MET: variants seen among roughly 807,000 people sequenced by gnomAD.
The protein encoded by MET is hepatocyte growth factor receptor.
A neutral mutation model predicts 133.1 loss-of-function variants in MET; 48 were observed. The ratio of observed to expected loss-of-function variants is 0.36; its 90% CI spans 0.29 to 0.46. The LOEUF is 0.46. Ranked by LOEUF, MET falls within the 20% of genes least tolerant of loss-of-function variation. MET has a pLI of 1.00. For synonymous variants in MET, 628 were observed against 616.5 expected, an observed-to-expected ratio of 1.02 and a Z score of -0.28; for missense variants, 1,442 against 1,695.9, an observed-to-expected ratio of 0.85 and a Z score of 2.63.
chr7:116,733,133 C>T lies in MET; in HGVS notation c.1392+1274C>T, dbSNP rs145145882. Among the ~76,000 whole-genome samples, 541 of 152,196 alleles carry T rather than the reference C, an allele frequency of 3.6e-3. 8 individuals carry two copies. The highest frequency in any genetic ancestry group is 0.012 in the African/African-American group (519 of 41,546). On this transcript the variant is annotated intron_variant, in intron 3 of 20. Transcript: ENST00000397752. Reference sequence around the variant, plus strand: ...CCTGAAGGAGGGAAGCCCCGCCCCTCCCACAGAGACATGCACTCTAATGGA... The same window carrying T: ...CCTGAAGGAGGGAAGCCCCGCCCCTTCCACAGAGACATGCACTCTAATGGA...
At chr7:116,759,550 G>A in intron 10 of MET, 60 bp downstream of exon 10, 1 of 1,558,882 alleles carries the variant, frequency 6.4e-7, no homozygotes, top group Non-Finnish European at 8.8e-7. Flanking sequence ...TAACCATGTG[G>A]CTTTCATGGT....
chr7:116,711,822 T>A (rs528155409), intron 2 of MET, among the ~76,000 whole-genome samples: 20 of 152,188 alleles, frequency 1.3e-4, no homozygotes, highest in Non-Finnish European at 2.5e-4. Context: ...GGAGTTTCTG[T>A]CCTTGGCCCT....
chr7:116,727,824 A>G (rs1241051905), intron 2 of MET, among the ~76,000 whole-genome samples: 3 of 152,206 alleles, frequency 2.0e-5, no homozygotes, highest in South Asian at 4.1e-4. Flanking sequence ...ATGAGCAGCA[A>G]ACATATTTGC....
intron 1 of MET, among the ~76,000 whole-genome samples, chr7:116,674,282 G>A (rs920016453): frequency 3.3e-5 from 5 of 152,050 alleles, no homozygotes; most frequent in South Asian, 2.1e-4. Context: ...CAGTCAATAC[G>A]AAAGCTCATA....
At chr7:116,741,168 G>GA in intron 5 of MET, 143 bp downstream of exon 5, 1 of 946,796 alleles carries the variant, frequency 1.1e-6, no homozygotes. Flanking sequence ...TCATTTAGCT[G>GA]TGAGTCATCA....
At chr7:116,737,317 C>T (rs1793254314) in intron 3 of MET, among the ~76,000 whole-genome samples, 1 of 152,226 alleles carries the variant, frequency 6.6e-6, no homozygotes, top group Non-Finnish European at 1.5e-5. Context: ...AGACTTTCTC[C>T]TTAGGCACAC....
At chr7:116,712,250 G>C (rs994502877) in intron 2 of MET, among the ~76,000 whole-genome samples, 3 of 152,068 alleles carry the variant, frequency 2.0e-5, no homozygotes, top group African/African-American at 7.3e-5. Context: ...TCCTTCCCCA[G>C]GACATTTTTC....
At chr7:116,716,140 T>C (rs764450961) in intron 2 of MET, among the ~76,000 whole-genome samples, 7 of 151,928 alleles carry the variant, frequency 4.6e-5, no homozygotes, top group Admixed American at 3.3e-4. Flanking sequence ...TAGTCCCAGC[T>C]ACTCTGGATG....
At chr7:116,795,064 T>C (rs746360487) in intron 19 of MET, among the ~76,000 whole-genome samples, 1 of 152,234 alleles carries the variant, frequency 6.6e-6, no homozygotes, top group Non-Finnish European at 1.5e-5. Flanking sequence ...ATCTAGTACT[T>C]TCACATCTTC....
chr7:116,763,400 A>G, intron 11 of MET, 132 bp downstream of exon 11: 1 of 841,118 alleles, frequency 1.2e-6, no homozygotes, highest in Non-Finnish European at 1.9e-6. Flanking sequence ...ACTCTGAAAA[A>G]CAAATCTTTT....
At chr7:116,777,830 C>T (rs543766277) in intron 16 of MET, among the ~76,000 whole-genome samples, 4 of 152,144 alleles carry the variant, frequency 2.6e-5, no homozygotes, top group Non-Finnish European at 4.4e-5. Flanking sequence ...TACCCAGAGG[C>T]ATTACTATAA....
chr7:116,684,724 C>T (rs1423043295), intron 1 of MET, among the ~76,000 whole-genome samples: 1 of 152,104 alleles, frequency 6.6e-6, no homozygotes, highest in Non-Finnish European at 1.5e-5. Context: ...GCCTAGATTT[C>T]TAATGGTGTG....
intron 1 of MET, among the ~76,000 whole-genome samples, chr7:116,682,553 A>G (rs1480483503): frequency 6.6e-6 from 1 of 152,230 alleles, no homozygotes; most frequent in African/African-American, 2.4e-5. Flanking sequence ...GATGAATTAT[A>G]TAAACATTAC....
chr7:116,743,940 T>G (rs1354785720), intron 5 of MET, among the ~76,000 whole-genome samples: 2 of 152,122 alleles, frequency 1.3e-5, no homozygotes. Context: ...CCTGCAGCAG[T>G]GAGGCCTGAC....
In MET at chr7:116,725,356, C is replaced by T. The variant is rs146410999; in HGVS notation, c.1201-6312C>T. On this transcript the variant is annotated intron_variant, in intron 2 of 20. Coordinates refer to ENST00000397752, the MANE Select transcript of MET (RefSeq NM_000245.4). The stretch of plus-strand genomic sequence containing the variant: ...GCAAAGCCATGAGAATGTTTCAAAA[C>T]TGTTTAGGACATCAAGAAGTTGGGG... Among the ~76,000 whole-genome samples the T allele has an allele frequency of 1.8e-3, 271 of 152,088 alleles. 3 individuals are homozygous for T. Among genetic ancestry groups the T allele is most frequent in the African/African-American group, 6.2e-3 (258 of 41,490 alleles).
intron 6 of MET, among the ~76,000 whole-genome samples, chr7:116,756,799 T>A (rs1389698759): frequency 6.6e-6 from 1 of 152,212 alleles, no homozygotes; most frequent in Non-Finnish European, 1.5e-5. Context: ...GCATCTGAAG[T>A]GGACCAAAGA....
chr7:116,719,455 T>C (rs1368457474), intron 2 of MET, among the ~76,000 whole-genome samples: 1 of 152,216 alleles, frequency 6.6e-6, no homozygotes, highest in African/African-American at 2.4e-5. Flanking sequence ...TTCACTCTGA[T>C]GATAGTTTCT....
In MET at chr7:116,796,587, T is replaced by C; in HGVS notation, c.*463T>C. ...TGTGTGTTGTATGGTCAATAACATT[T>C]TTCATTACTGATGGTGTCATTCACC... On this transcript the variant is annotated 3_prime_UTR_variant, in exon 21 of 21. Coordinates refer to ENST00000397752, the MANE Select transcript of MET (RefSeq NM_000245.4). 2 of 299,372 alleles carry C rather than the reference T, an allele frequency of 6.7e-6. No homozygotes were observed. Among genetic ancestry groups the C allele is most frequent in the Non-Finnish European group, 1.3e-5 (2 of 158,104 alleles). 18.5% of individuals were successfully genotyped at this position (299,372 alleles called of 1,614,324 possible). A position where few individuals can be genotyped will look rare whatever the true frequency, so the allele number is the denominator to read the frequency against.
chr7:116,791,717 T>G (rs1410621901), intron 19 of MET, among the ~76,000 whole-genome samples: 2 of 152,216 alleles, frequency 1.3e-5, no homozygotes, highest in Non-Finnish European at 2.9e-5. Flanking sequence ...CAGCCTGAAG[T>G]GCAGTGGTGC....
Sources: gnomAD v4.1 joint callset for allele counts (sites outside exome capture counted in the v4.1 genomes callset) on GRCh38, gnomAD v4.1.1 for gene constraint, MANE v1.5 for transcripts, NCBI Gene and HGNC (gene_info 2026-07-23, HGNC 2026-07-21) for gene names.